The following USO1 variants were observed in gnomAD, a reference collection of about 807,000 sequenced individuals.
USO1 encodes the protein general vesicular transport factor p115.
A neutral mutation model predicts 124.5 loss-of-function variants in USO1; 57 were observed. The observed-to-expected ratio is 0.46, with a 90% CI of 0.37 to 0.57. The LOEUF (loss-of-function observed/expected upper bound fraction) is 0.57. Ranked by LOEUF, USO1 falls within the 20% of genes least tolerant of loss-of-function variation. The pLI is 0.00. For missense variants in USO1, 900 were observed against 1,040.6 expected, an observed-to-expected ratio of 0.86 and a Z score of 1.86; for synonymous variants, 369 against 362.8, an observed-to-expected ratio of 1.02 and a Z score of -0.19.
chr4:75,805,605 G>A (rs1399998386), intron 19 of USO1, among the ~76,000 whole-genome samples: 3 of 152,002 alleles, frequency 2.0e-5, no homozygotes, highest in African/African-American at 7.3e-5. Flanking sequence ...TACGCAGGAG[G>A]CTGAGGCAGG....
intron 4 of USO1, among the ~76,000 whole-genome samples, chr4:75,763,291 G>A (rs964450251): frequency 1.3e-5 from 2 of 152,114 alleles, no homozygotes; most frequent in Non-Finnish European, 2.9e-5. Flanking sequence ...TTTGATTTAC[G>A]ATGGTGTGAA....
At chr4:75,749,925 T>C (rs1030188177) in intron 1 of USO1, among the ~76,000 whole-genome samples, 170 of 152,094 alleles carry the variant, frequency 1.1e-3, no homozygotes, top group African/African-American at 3.9e-3. Context: ...CTAATTTTTA[T>C]TGCATTTTTA....
chr4:75,757,623 G>T (rs1249037627), intron 4 of USO1, 50 bp downstream of exon 4: 2 of 1,330,512 alleles, frequency 1.5e-6, no homozygotes, highest in Non-Finnish European at 1.9e-6. Context: ...AAACCAACTG[G>T]GTTGTGCTAA....
intron 1 of USO1, among the ~76,000 whole-genome samples, chr4:75,737,667 G>T (rs1720833403): frequency 6.6e-6 from 1 of 152,086 alleles, no homozygotes; most frequent in Non-Finnish European, 1.5e-5. Flanking sequence ...CTGCACTCCA[G>T]CCTGTACAGC....
chr4:75,804,094 G>C, intron 17 of USO1, 40 bp from the exon 18 acceptor site: 5 of 1,599,950 alleles, frequency 3.1e-6, no homozygotes, highest in Non-Finnish European at 4.3e-6. Context: ...ATGCTAACGA[G>C]TATGACTTTA....
At chr4:75,774,080 G>A (rs1364228161) in intron 7 of USO1, among the ~76,000 whole-genome samples, 1 of 152,108 alleles carries the variant, frequency 6.6e-6, no homozygotes, top group Non-Finnish European at 1.5e-5. Context: ...AGCTTACCAG[G>A]AGCTGAGAAA....
chr4:75,796,875 ATTTTT>A lies in USO1; in HGVS notation c.1453-2736_1453-2732del, dbSNP rs11290866. ...CCCTTGTTTTTAATATGAGTTACAGATTTTTTTTTTTTTTTCTGGTATGTCATTTG... is the reference window on the plus strand; with the variant it reads ...CCCTTGTTTTTAATATGAGTTACAGATTTTTTTTTTCTGGTATGTCATTTG... On this transcript the variant is annotated intron_variant, in intron 13 of 23. Transcript: ENST00000514213. 3.8e-5 allele frequency among the ~76,000 whole-genome samples: 5 copies of A among 131,668 alleles called. No individual in the cohort carries two copies. The East Asian group carries it at 6.6e-4, about 17-fold the overall frequency. 86.4% of individuals were successfully genotyped at this position (131,668 alleles called of 152,430 possible). A position where few individuals can be genotyped will look rare whatever the true frequency, so the allele number is the denominator to read the frequency against.
At chr4:75,733,935 A>ATTTTT (rs869308522) in intron 1 of USO1, among the ~76,000 whole-genome samples, 1 of 77,112 alleles carries the variant, frequency 1.3e-5, no homozygotes. Flanking sequence ...TTCTTCGAGG[A>ATTTTT]TTTTTTTTTT....
chr4:75,732,748 C>T (rs1378412042), intron 1 of USO1, among the ~76,000 whole-genome samples: 1 of 150,946 alleles, frequency 6.6e-6, no homozygotes, highest in Non-Finnish European at 1.5e-5. Context: ...ATGGTGGCAC[C>T]TGTGCCTGTA....
At position 75,790,642 on chromosome 4, in the gene USO1, G is replaced by A. The variant is rs1231055057; in HGVS notation, c.1086-1G>A. The A allele has an allele frequency of 1.2e-6, 2 of 1,601,648 alleles. No homozygotes were observed. Among genetic ancestry groups the A allele is most frequent in the Non-Finnish European group, 1.7e-6 (2 of 1,176,500 alleles). On this transcript the variant is annotated splice_acceptor_variant, in intron 11 of 23. Coordinates refer to ENST00000514213, the MANE Select transcript of USO1 (RefSeq NM_003715.4). LOFTEE classifies it high-confidence loss of function. ...TGTTCTTTTCTTTTTAAATGCAACA[G>A]ACCGGCAATTGTAGTACTTCTCATG...
At chr4:75,728,887 C>G (rs187529241) in intron 1 of USO1, among the ~76,000 whole-genome samples, 4 of 151,986 alleles carry the variant, frequency 2.6e-5, no homozygotes, top group African/African-American at 4.8e-5. Context: ...CAAGCTCCCC[C>G]TCCCGGGTTC....
intron 13 of USO1, 29 bp from the exon 14 acceptor site, chr4:75,799,593 A>G (rs781398405): frequency 6.2e-6 from 10 of 1,607,436 alleles, no homozygotes; most frequent in Middle Eastern, 1.7e-4. Flanking sequence ...AAATGAATGG[A>G]AAGATTTCTA....
At chr4:75,736,583 G>A (rs774876468) in intron 1 of USO1, among the ~76,000 whole-genome samples, 7 of 152,074 alleles carry the variant, frequency 4.6e-5, no homozygotes, top group African/African-American at 1.4e-4. Flanking sequence ...GACTACAGGC[G>A]TGGGCCACCG....
At chr4:75,741,165 G>A (rs1720948518) in intron 1 of USO1, among the ~76,000 whole-genome samples, 1 of 152,158 alleles carries the variant, frequency 6.6e-6, no homozygotes, top group Non-Finnish European at 1.5e-5. Context: ...GCGTGTTACT[G>A]TAATGAATAC....
chr4:75,788,097 G>T (rs1312850881), intron 10 of USO1, among the ~76,000 whole-genome samples: 3 of 151,460 alleles, frequency 2.0e-5, no homozygotes, highest in African/African-American at 7.3e-5. Context: ...ATCTTCCTAG[G>T]ATTTCCTTTA....
At chr4:75,732,741 G>A (rs1308086609) in intron 1 of USO1, among the ~76,000 whole-genome samples, 1 of 151,518 alleles carries the variant, frequency 6.6e-6, no homozygotes, top group Non-Finnish European at 1.5e-5. Context: ...GCTGGGCATG[G>A]TGGCACCTGT....
intron 8 of USO1, among the ~76,000 whole-genome samples, chr4:75,779,007 A>G (rs1270286189): frequency 6.6e-6 from 1 of 152,190 alleles, no homozygotes; most frequent in African/African-American, 2.4e-5. Flanking sequence ...CTCTGTCACA[A>G]TTAATATTTC....
chr4:75,788,250 C>T (rs942301280), intron 10 of USO1, among the ~76,000 whole-genome samples: 1 of 151,150 alleles, frequency 6.6e-6, no homozygotes, highest in Non-Finnish European at 1.5e-5. Context: ...TCACTGCAAC[C>T]CCCGCCTTCC....
chr4:75,804,052 C>T (rs919561594), intron 17 of USO1, 82 bp from the exon 18 acceptor site: 1 of 1,498,912 alleles, frequency 6.7e-7, no homozygotes, highest in East Asian at 2.4e-5. Flanking sequence ...CCCAAAATGA[C>T]CTCTAATTTT....
Sources: allele counts gnomAD v4.1 joint callset (sites outside exome capture counted in the v4.1 genomes callset), GRCh38; gene constraint gnomAD v4.1.1; transcripts MANE v1.5; gene names NCBI Gene and HGNC (gene_info 2026-07-23, HGNC 2026-07-21).